FNDC3B: variants seen among roughly 807,000 people sequenced by gnomAD.
The protein encoded by FNDC3B is fibronectin type III domain-containing protein 3B.
Under a neutral mutation model 151.5 loss-of-function variants are expected in FNDC3B, and 12 were observed. The observed-to-expected ratio is 0.08, with a 90% CI of 0.05 to 0.13. FNDC3B has a LOEUF of 0.13. Among genes scored for constraint, FNDC3B ranks in the 10% least tolerant of loss-of-function variants. FNDC3B has a pLI of 1.00. For synonymous variants in FNDC3B, 528 were observed against 549.0 expected, an observed-to-expected ratio of 0.96 and a Z score of 0.54; for missense variants, 1,214 against 1,505.3, an observed-to-expected ratio of 0.81 and a Z score of 3.20.
chr3:172,281,133 A>G (rs938772843), intron 6 of FNDC3B, among the ~76,000 whole-genome samples: 1 of 151,914 alleles, frequency 6.6e-6, no homozygotes, highest in Non-Finnish European at 1.5e-5. Context: ...CTTTCCTACC[A>G]TTAAATGTGC....
chr3:172,247,602 A>G lies in FNDC3B; in HGVS notation c.334A>G (p.Ser112Gly), dbSNP rs1248729210. ...CCAGTCTCCTGAGTGTTATCCCCCA[A>G]GCTACCCCTCAGCCATGTCTCCAAC... is the stretch of plus-strand genomic sequence containing the variant. The part of the protein sequence containing the change: ...TPQSPECYPP[S>G]YPSAMSPTHH... Residue 112 changes from serine to glycine, a missense_variant, in exon 5 of 26, where the codon AGC becomes GGC. By Grantham distance (56) the Ser-to-Gly change is moderately conservative. Coordinates refer to ENST00000415807, the MANE Select transcript of FNDC3B (RefSeq NM_022763.4). 1 of 1,613,848 alleles carries G rather than the reference A, an allele frequency of 6.2e-7. No homozygotes were observed.
At chr3:172,307,335 C>G in intron 9 of FNDC3B, 28 bp from the exon 10 acceptor site, 1 of 1,610,876 alleles carries the variant, frequency 6.2e-7, no homozygotes, top group Admixed American at 1.7e-5. Flanking sequence ...TGAGTCACTG[C>G]CACTGACTGT....
chr3:172,261,646 A>T (rs868823883), intron 6 of FNDC3B, among the ~76,000 whole-genome samples: 8 of 152,318 alleles, frequency 5.3e-5, no homozygotes, highest in African/African-American at 1.9e-4. Context: ...CACAAGTGTG[A>T]TGTGGGAAAG....
At chr3:172,348,189 A>G (rs149414519) in intron 21 of FNDC3B, among the ~76,000 whole-genome samples, 184 of 152,360 alleles carry the variant, frequency 1.2e-3, no homozygotes, top group African/African-American at 4.2e-3. Flanking sequence ...ATTTGAATAG[A>G]TAAAGAAGCA....
At chr3:172,098,900 G>A (rs1277765008) in intron 1 of FNDC3B, among the ~76,000 whole-genome samples, 1 of 152,190 alleles carries the variant, frequency 6.6e-6, no homozygotes, top group African/African-American at 2.4e-5. Flanking sequence ...CTTCCTGTGT[G>A]AGTACCTATT....
At chr3:172,139,184 T>C (rs940519075) in intron 3 of FNDC3B, among the ~76,000 whole-genome samples, 2 of 152,190 alleles carry the variant, frequency 1.3e-5, no homozygotes, top group African/African-American at 2.4e-5. Context: ...TGCTTTTTTT[T>C]CCTTATATGA....
chr3:172,215,211 G>A (rs1341652429), intron 3 of FNDC3B, among the ~76,000 whole-genome samples: 1 of 152,216 alleles, frequency 6.6e-6, no homozygotes, highest in African/African-American at 2.4e-5. Context: ...TTGCCCATGA[G>A]TTCTTCATGG....
chr3:172,181,044 A>G (rs561450334), intron 3 of FNDC3B, among the ~76,000 whole-genome samples: 4 of 152,266 alleles, frequency 2.6e-5, no homozygotes, highest in African/African-American at 9.6e-5. Flanking sequence ...TTGAACCTCT[A>G]TTAGAATAAG....
chr3:172,197,180 CAAAAT>C (rs1171631643), intron 3 of FNDC3B, among the ~76,000 whole-genome samples: 2 of 150,622 alleles, frequency 1.3e-5, no homozygotes, highest in South Asian at 2.1e-4. Context: ...GACTCTGTCT[CAAAAT>C]AAAATAAAAT....
chr3:172,204,906 C>T (rs1725343759), intron 3 of FNDC3B, among the ~76,000 whole-genome samples: 1 of 152,202 alleles, frequency 6.6e-6, no homozygotes, highest in Non-Finnish European at 1.5e-5. Context: ...ATGGCATGCA[C>T]AGGACACTTA....
rs1172931452 is a variant in FNDC3B at position 172,315,018 on chromosome 3, A to G, written c.1254+4137A>G. Among the ~76,000 whole-genome samples the G allele has an allele frequency of 3.3e-5, 5 of 152,260 alleles. No homozygotes were observed. In the East Asian group the frequency reaches 7.7e-4, roughly 23 times the overall value. On this transcript the variant is annotated intron_variant, in intron 11 of 25. Transcript: ENST00000415807. Reference sequence around the variant, plus strand: ...TTCTCCATTAATAACTAACTAGACAACATCTTAATTTTTAAATCAATACAA... The same window carrying G: ...TTCTCCATTAATAACTAACTAGACAGCATCTTAATTTTTAAATCAATACAA...
intron 4 of FNDC3B, among the ~76,000 whole-genome samples, chr3:172,244,476 G>A (rs1242278357): frequency 6.6e-6 from 1 of 151,870 alleles, no homozygotes; most frequent in Admixed American, 6.6e-5. Context: ...TTATTTTGGG[G>A]GAGACTTAGG....
chr3:172,119,291 T>G (rs1378547988), intron 2 of FNDC3B, among the ~76,000 whole-genome samples: 1 of 150,748 alleles, frequency 6.6e-6, no homozygotes, highest in Non-Finnish European at 1.5e-5. Context: ...ATGCTGGCAG[T>G]GTATTAGGTG....
At chr3:172,351,357 G>A (rs776263143) in intron 21 of FNDC3B, among the ~76,000 whole-genome samples, 1 of 152,174 alleles carries the variant, frequency 6.6e-6, no homozygotes, top group African/African-American at 2.4e-5. Flanking sequence ...CCATGAGGAG[G>A]CAGCAAACTT....
chr3:172,139,916 C>G (rs2108583574), intron 3 of FNDC3B, among the ~76,000 whole-genome samples: 1 of 152,246 alleles, frequency 6.6e-6, no homozygotes, highest in Middle Eastern at 3.4e-3. Context: ...CCACCTTGGC[C>G]TCCCAAATTG....
intron 7 of FNDC3B, among the ~76,000 whole-genome samples, chr3:172,287,598 C>T (rs1011201829): frequency 1.3e-5 from 2 of 152,122 alleles, no homozygotes; most frequent in African/African-American, 4.8e-5. Flanking sequence ...AGAGAGAGGG[C>T]AGAGCAGCGG....
At chr3:172,068,289 A>G (rs1257308419) in intron 1 of FNDC3B, among the ~76,000 whole-genome samples, 2 of 152,166 alleles carry the variant, frequency 1.3e-5, no homozygotes, top group South Asian at 4.1e-4. Flanking sequence ...AACAGAAGCT[A>G]ATGATGGACT....
intron 3 of FNDC3B, among the ~76,000 whole-genome samples, chr3:172,160,924 G>A (rs1277949192): frequency 6.6e-6 from 1 of 152,072 alleles, no homozygotes; most frequent in East Asian, 1.9e-4. Flanking sequence ...TTTCCAATGT[G>A]CATAGTATAT....
At chr3:172,307,199 C>T (rs760850596) in intron 9 of FNDC3B, 164 bp from the exon 10 acceptor site, 6 of 664,202 alleles carry the variant, frequency 9.0e-6, no homozygotes, top group Non-Finnish European at 1.5e-5. Context: ...CCTGTTAATG[C>T]TAACCATAGG....
Sources: gnomAD v4.1 joint callset for allele counts (sites outside exome capture counted in the v4.1 genomes callset) on GRCh38, gnomAD v4.1.1 for gene constraint, MANE v1.5 for transcripts, NCBI Gene and HGNC (gene_info 2026-07-23, HGNC 2026-07-21) for gene names.